Variants in EXOC6B observed in about 807,000 individuals in gnomAD.
EXOC6B encodes SEC15 homolog B.
Under a neutral mutation model 113.5 loss-of-function variants are expected in EXOC6B, and 54 were observed. That is an observed-to-expected ratio of 0.48 (90% confidence interval 0.38 to 0.60). The LOEUF is 0.60. EXOC6B is among the 20% of genes least tolerant of loss of function. EXOC6B has a pLI of 0.00. For missense variants in EXOC6B, 797 were observed against 977.5 expected, an observed-to-expected ratio of 0.82 and a Z score of 2.46; for synonymous variants, 357 against 339.0, an observed-to-expected ratio of 1.05 and a Z score of -0.58.
At chr2:72,346,575 G>A (rs927072180) in intron 19 of EXOC6B, among the ~76,000 whole-genome samples, 1 of 152,062 alleles carries the variant, frequency 6.6e-6, no homozygotes, top group African/African-American at 2.4e-5. Context: ...TTAAAAAAAC[G>A]AAGACGATTA....
chr2:72,192,933 C>A (rs1678938809), intron 20 of EXOC6B, among the ~76,000 whole-genome samples: 1 of 152,150 alleles, frequency 6.6e-6, no homozygotes, highest in Non-Finnish European at 1.5e-5. Flanking sequence ...AACATATAAT[C>A]CAAGAAAAAT....
At chr2:72,452,598 T>C (rs558408734) in intron 18 of EXOC6B, among the ~76,000 whole-genome samples, 1 of 152,214 alleles carries the variant, frequency 6.6e-6, no homozygotes, top group Non-Finnish European at 1.5e-5. Flanking sequence ...GAAAGTGAGA[T>C]GAGAAGTCAT....
chr2:72,790,993 A>C (rs957766092), intron 1 of EXOC6B, among the ~76,000 whole-genome samples: 3 of 152,188 alleles, frequency 2.0e-5, no homozygotes, highest in Admixed American at 2.0e-4. Flanking sequence ...ACAAAATTAC[A>C]GCTAGATAGG....
At chr2:72,599,126 T>A (rs1480323645) in intron 6 of EXOC6B, among the ~76,000 whole-genome samples, 1 of 152,054 alleles carries the variant, frequency 6.6e-6, no homozygotes, top group Non-Finnish European at 1.5e-5. Context: ...CAGGTCAATA[T>A]CTCTAATGAA....
intron 17 of EXOC6B, among the ~76,000 whole-genome samples, chr2:72,480,236 A>G (rs1253183099): frequency 3.0e-4 from 45 of 152,154 alleles, no homozygotes; most frequent in Non-Finnish European, 5.9e-5. Flanking sequence ...GGATACAGAG[A>G]GCAGGGGACA....
intron 1 of EXOC6B, among the ~76,000 whole-genome samples, chr2:72,795,706 G>C (rs1349399029): frequency 6.6e-6 from 1 of 152,176 alleles, no homozygotes; most frequent in African/African-American, 2.4e-5. Context: ...AATATATTAG[G>C]TTACATGGCA....
At position 72,534,413 on chromosome 2, in the gene EXOC6B, G is replaced by T. The variant is rs139656335; in HGVS notation, c.916-19287C>A. Among the ~76,000 whole-genome samples the T allele has an allele frequency of 2.8e-3, 419 of 152,144 alleles. 4 individuals carry two copies. The highest frequency in any genetic ancestry group is 8.8e-3 in the African/African-American group (365 of 41,520). On this transcript the variant is annotated intron_variant, in intron 8 of 21. Coordinates refer to ENST00000272427, the MANE Select transcript of EXOC6B (RefSeq NM_015189.3). ...TTGAATTTATATTGAAAAAACAGAA[G>T]AAGAGTGAAATAATCTATGTTTCAG...
Position 72,313,781 on chromosome 2 carries a change from A to T in EXOC6B, c.2196+21166T>A, listed in dbSNP as rs75919086. The stretch of plus-strand genomic sequence containing the variant: ...CATTCTTATCCAGAATGAAATTTTT[A>T]AAAAAATCACATTTTGAGGAGTCAG... On this transcript the variant is annotated intron_variant, in intron 20 of 21. Coordinates refer to ENST00000272427, the MANE Select transcript of EXOC6B (RefSeq NM_015189.3). Among the ~76,000 whole-genome samples the T allele has an allele frequency of 4.6e-3, 696 of 152,322 alleles. 16 individuals are homozygous for T. The East Asian group carries it at 0.066, about 14-fold the overall frequency.
At chr2:72,824,021 A>G (rs1220354872) in intron 1 of EXOC6B, among the ~76,000 whole-genome samples, 1 of 152,126 alleles carries the variant, frequency 6.6e-6, no homozygotes, top group Admixed American at 6.5e-5. Context: ...TCATAAGGCA[A>G]TGGGGGTTGG....
chr2:72,370,273 A>C (rs1690915725), intron 19 of EXOC6B, among the ~76,000 whole-genome samples: 1 of 152,224 alleles, frequency 6.6e-6, no homozygotes, highest in Admixed American at 6.5e-5. Context: ...GCTCATCATC[A>C]CTAGCCATCA....
At chr2:72,280,494 A>C (rs1685066631) in intron 20 of EXOC6B, among the ~76,000 whole-genome samples, 1 of 152,184 alleles carries the variant, frequency 6.6e-6, no homozygotes, top group Non-Finnish European at 1.5e-5. Context: ...AACTTCAGAG[A>C]TCATTTAATC....
At position 72,480,713 on chromosome 2, in the gene EXOC6B, T is replaced by C; in HGVS notation, c.1703A>G (p.Lys568Arg). 1 of 1,598,708 alleles carries C rather than the reference T, an allele frequency of 6.3e-7. No homozygotes were observed. Among genetic ancestry groups the C allele is most frequent in the Non-Finnish European group, 8.5e-7 (1 of 1,171,652 alleles). Reference sequence around the variant, plus strand: ...AAATTCTTCCAAGTACTTACAGGATTTCTCCAAATGTGTTGTATTGATAAT... The same window carrying C: ...AAATTCTTCCAAGTACTTACAGGATCTCTCCAAATGTGTTGTATTGATAAT... ...QIIINTTHLE[K>R]SCKYLEEFIT... Residue 568 changes from lysine (K) to arginine (R), a missense_variant, in exon 17 of 22, where the codon AAA (lysine) becomes AGA (arginine). By Grantham distance (26) the Lys-to-Arg change is conservative. Coordinates refer to ENST00000272427, the MANE Select transcript of EXOC6B (RefSeq NM_015189.3).
chr2:72,371,149 C>T (rs1466554482), intron 19 of EXOC6B, among the ~76,000 whole-genome samples: 1 of 151,624 alleles, frequency 6.6e-6, no homozygotes, highest in Non-Finnish European at 1.5e-5. Flanking sequence ...CATGAGGTCC[C>T]CATTTCAGGC....
At chr2:72,187,939 T>C (rs777312609) in intron 20 of EXOC6B, among the ~76,000 whole-genome samples, 6 of 152,172 alleles carry the variant, frequency 3.9e-5, no homozygotes, top group Non-Finnish European at 5.9e-5. Flanking sequence ...AGAAACCATG[T>C]AGTGGGAGCA....
intron 20 of EXOC6B, among the ~76,000 whole-genome samples, chr2:72,310,325 C>G (rs547633046): frequency 5.3e-5 from 8 of 152,228 alleles, no homozygotes; most frequent in Admixed American, 5.2e-4. Flanking sequence ...AAAATTATAG[C>G]CAACCTGGTG....
chr2:72,298,950 C>T (rs888538080), intron 20 of EXOC6B, among the ~76,000 whole-genome samples: 9 of 152,036 alleles, frequency 5.9e-5, no homozygotes, highest in Non-Finnish European at 1.2e-4. Context: ...GTGAATCTGA[C>T]GATTATGTGT....
intron 18 of EXOC6B, among the ~76,000 whole-genome samples, chr2:72,383,165 C>A (rs1233758471): frequency 6.6e-6 from 1 of 152,070 alleles, no homozygotes; most frequent in Admixed American, 6.6e-5. Context: ...AACCTAAGAG[C>A]TTCTGCACAG....
intron 11 of EXOC6B, among the ~76,000 whole-genome samples, chr2:72,507,911 T>G (rs1004917439): frequency 8.0e-5 from 12 of 149,610 alleles, no homozygotes; most frequent in African/African-American, 3.0e-4. Flanking sequence ...AGAGATCTGT[T>G]ACATTCCCAA....
chr2:72,437,189 C>T (rs1303165798), intron 18 of EXOC6B, among the ~76,000 whole-genome samples: 2 of 152,176 alleles, frequency 1.3e-5, no homozygotes, highest in Non-Finnish European at 2.9e-5. Flanking sequence ...GCTAGAGGTC[C>T]CCTCCAGACC....
Sources: allele counts gnomAD v4.1 joint callset (sites outside exome capture counted in the v4.1 genomes callset), GRCh38; gene constraint gnomAD v4.1.1; transcripts MANE v1.5; gene names NCBI Gene and HGNC (gene_info 2026-07-23, HGNC 2026-07-21).